The following ZFAT variants were observed in gnomAD, a reference collection of about 807,000 sequenced individuals.
ZFAT encodes zinc finger and AT-hook domain containing.
Under a neutral mutation model 117.7 loss-of-function variants are expected in ZFAT, and 64 were observed. The ratio of observed to expected loss-of-function variants is 0.54; its 90% CI spans 0.44 to 0.67. ZFAT has a LOEUF of 0.67. Ranked by LOEUF, ZFAT falls within the 30% of genes least tolerant of loss-of-function variation. The pLI is 0.00. For synonymous variants in ZFAT, 679 were observed against 615.0 expected, an observed-to-expected ratio of 1.10 and a Z score of -1.54; for missense variants, 1,433 against 1,584.5, an observed-to-expected ratio of 0.90 and a Z score of 1.62.
chr8:134,821,670 C>T, the ZFAT span, among the ~76,000 whole-genome samples: 1 of 152,052 alleles, frequency 6.6e-6, no homozygotes, highest in Admixed American at 6.6e-5. Flanking sequence ...CATACATAGT[C>T]CTAGATTTCC....
the ZFAT span, among the ~76,000 whole-genome samples, chr8:134,744,601 G>A: frequency 2.0e-5 from 3 of 151,938 alleles, no homozygotes; most frequent in African/African-American, 7.3e-5. Flanking sequence ...CAGCCTGAAG[G>A]CTAAGAGTTC....
rs1237084430 is a variant in ZFAT at position 134,693,172 on chromosome 8, T to C, written c.19+19673A>G. The stretch of plus-strand genomic sequence containing the variant: ...TAGTTCCCAGATCTCCGTTTCTAAA[T>C]GCCACTCTCCACTAAAAGAAACCAG... On this transcript the variant is annotated intron_variant, in intron 1 of 15. Coordinates refer to ENST00000377838, the MANE Select transcript of ZFAT (RefSeq NM_020863.4). 2.0e-5 allele frequency among the ~76,000 whole-genome samples: 3 copies of C among 152,198 alleles called. No individual in the cohort carries two copies. In the East Asian group the frequency reaches 5.8e-4, roughly 29 times the overall value.
upstream of ZFAT, among the ~76,000 whole-genome samples, chr8:134,714,518 C>T (rs757831825): frequency 2.6e-5 from 4 of 152,130 alleles, no homozygotes; most frequent in African/African-American, 4.8e-5. Context: ...CAGGATGACT[C>T]ATCTGATTTC....
At chr8:134,822,769 T>C in the ZFAT span, among the ~76,000 whole-genome samples, 2 of 152,168 alleles carry the variant, frequency 1.3e-5, no homozygotes, top group Admixed American at 6.5e-5. Flanking sequence ...CAGGATTTAA[T>C]AGGACATGGT....
rs7828741 is a variant in ZFAT, at chr8:134,626,893, T to G, written c.448+10568A>C. Among the ~76,000 whole-genome samples the G allele has an allele frequency of 7.0e-3, 1,065 of 152,362 alleles. 15 individuals carry two copies. Among genetic ancestry groups the G allele is most frequent in the African/African-American group, 0.023 (971 of 41,580 alleles). ...TAATAAAGGTCATACACAGGTACTTTCACCAGGCAGATGTTTGCCGGGACT... is the reference window on the plus strand; with the variant it reads ...TAATAAAGGTCATACACAGGTACTTGCACCAGGCAGATGTTTGCCGGGACT... On this transcript the variant is annotated intron_variant, in intron 3 of 15. Coordinates refer to ENST00000377838, the MANE Select transcript of ZFAT (RefSeq NM_020863.4).
chr8:134,807,267 T>G, the ZFAT span, among the ~76,000 whole-genome samples: 1 of 152,178 alleles, frequency 6.6e-6, no homozygotes, highest in African/African-American at 2.4e-5. Context: ...GAAACCAAGT[T>G]AGATACCTAA....
At chr8:134,580,050 C>A (rs952600525) in intron 10 of ZFAT, among the ~76,000 whole-genome samples, 1 of 151,858 alleles carries the variant, frequency 6.6e-6, no homozygotes, top group East Asian at 1.9e-4. Flanking sequence ...GACAGGATGC[C>A]GAGGCAGGGC....
At chr8:134,527,167 G>A (rs4909465) in intron 12 of ZFAT, among the ~76,000 whole-genome samples, 75,364 of 151,986 alleles carry the variant, frequency 0.5, 20,280 homozygotes, top group African/African-American at 0.71. Flanking sequence ...GGGGGTCACA[G>A]GGCAAGGAAT....
chr8:134,531,602 C>G (rs1450622503), intron 12 of ZFAT, among the ~76,000 whole-genome samples: 1 of 152,196 alleles, frequency 6.6e-6, no homozygotes, highest in African/African-American at 2.4e-5. Flanking sequence ...GTAACATGCC[C>G]AAGATGGCAC....
chr8:134,592,922 C>A (rs1352177358), intron 7 of ZFAT, among the ~76,000 whole-genome samples: 1 of 152,242 alleles, frequency 6.6e-6, no homozygotes, highest in African/African-American at 2.4e-5. Context: ...CAAGCAACGA[C>A]AGCCAACCAC....
At chr8:134,638,008 A>G (rs1830330999) in intron 2 of ZFAT, among the ~76,000 whole-genome samples, 1 of 151,872 alleles carries the variant, frequency 6.6e-6, no homozygotes, top group Admixed American at 6.6e-5. Context: ...GCGGCTGTCA[A>G]CCCCCCGTTC....
intron 1 of ZFAT, among the ~76,000 whole-genome samples, chr8:134,664,517 G>T (rs538565566): frequency 6.6e-6 from 1 of 152,240 alleles, no homozygotes; most frequent in Non-Finnish European, 1.5e-5. Flanking sequence ...AGAGCAGAGA[G>T]CATGGTGCTC....
intron 1 of ZFAT, among the ~76,000 whole-genome samples, chr8:134,658,304 T>C (rs1012359511): frequency 1.5e-5 from 2 of 135,884 alleles, no homozygotes; most frequent in Admixed American, 1.6e-4. Flanking sequence ...GCCACTGCAC[T>C]CCAGCCTGGG....
At chr8:134,521,662 C>A (rs1011966557) in intron 12 of ZFAT, among the ~76,000 whole-genome samples, 28 of 152,090 alleles carry the variant, frequency 1.8e-4, no homozygotes, top group African/African-American at 6.7e-4. Flanking sequence ...GAGAGTCACA[C>A]AAAAGAATAT....
chr8:134,675,783 A>G (rs760522811), intron 1 of ZFAT, among the ~76,000 whole-genome samples: 5 of 152,242 alleles, frequency 3.3e-5, no homozygotes, highest in Non-Finnish European at 5.9e-5. Flanking sequence ...AGTAGGAGCC[A>G]ATATTCAACA....
intron 1 of ZFAT, among the ~76,000 whole-genome samples, chr8:134,706,943 T>C (rs1248231294): frequency 6.6e-6 from 1 of 151,664 alleles, no homozygotes; most frequent in Non-Finnish European, 1.5e-5. Flanking sequence ...TCTTTCTTTC[T>C]GAAAGGCTAA....
intron 1 of ZFAT, among the ~76,000 whole-genome samples, chr8:134,669,389 C>T (rs1425515247): frequency 6.6e-6 from 1 of 152,204 alleles, no homozygotes; most frequent in Non-Finnish European, 1.5e-5. Context: ...GCCCATCTGA[C>T]TAACAACGGA....
At chr8:134,783,324 A>G in the ZFAT span, among the ~76,000 whole-genome samples, 2 of 152,176 alleles carry the variant, frequency 1.3e-5, no homozygotes, top group East Asian at 3.9e-4. Context: ...CTGATGGCCA[A>G]GTGAGCATTA....
chr8:134,569,731 G>A (rs1365262759), intron 10 of ZFAT, among the ~76,000 whole-genome samples: 1 of 152,114 alleles, frequency 6.6e-6, no homozygotes, highest in East Asian at 1.9e-4. Context: ...GCATACAGGT[G>A]ACCCCACAGT....
Sources: gnomAD v4.1 joint callset for allele counts (sites outside exome capture counted in the v4.1 genomes callset) on GRCh38, gnomAD v4.1.1 for gene constraint, MANE v1.5 for transcripts, NCBI Gene and HGNC (gene_info 2026-07-23, HGNC 2026-07-21) for gene names.